Variants in TBC1D1 observed in about 807,000 individuals in gnomAD.
TBC1D1 encodes the protein TBC1 (tre-2/USP6, BUB2, cdc16) domain family, member 1.
TBC1D1 carries 89 observed loss-of-function variants against 125.6 expected under a neutral mutation model. The observed-to-expected ratio is 0.71, with a 90% CI of 0.60 to 0.85. TBC1D1 has a LOEUF of 0.85. Among genes scored for constraint, TBC1D1 ranks in the 40% least tolerant of loss-of-function variants. The pLI, the probability that TBC1D1 is intolerant of heterozygous loss-of-function variation, is 0.00. For synonymous variants in TBC1D1, 565 were observed against 564.1 expected, an observed-to-expected ratio of 1.00 and a Z score of -0.02; for missense variants, 1,377 against 1,469.2, an observed-to-expected ratio of 0.94 and a Z score of 1.03.
chr4:38,070,060 C>G (rs1754441681), intron 12 of TBC1D1, among the ~76,000 whole-genome samples: 1 of 152,070 alleles, frequency 6.6e-6, no homozygotes, highest in South Asian at 2.1e-4. Context: ...CCTCCAGCCA[C>G]CATAAGTTGG....
At chr4:38,048,245 A>G (rs1191009711) in intron 10 of TBC1D1, among the ~76,000 whole-genome samples, 1 of 152,216 alleles carries the variant, frequency 6.6e-6, no homozygotes, top group East Asian at 1.9e-4. Context: ...AAACTTGACA[A>G]ATGAAAATGG....
At chr4:37,961,141 C>A in intron 2 of TBC1D1, 1 of 1,267,536 alleles carries the variant, frequency 7.9e-7, no homozygotes. Flanking sequence ...GGGTCATATT[C>A]CTCTTTATGT....
intron 12 of TBC1D1, among the ~76,000 whole-genome samples, chr4:38,059,084 G>A (rs192844131): frequency 6.6e-6 from 1 of 152,324 alleles, no homozygotes; most frequent in African/African-American, 2.4e-5. Flanking sequence ...AAATAATTAA[G>A]TTGCAAGAAT....
intron 14 of TBC1D1, among the ~76,000 whole-genome samples, chr4:38,096,854 A>G (rs1263594774): frequency 6.6e-6 from 1 of 152,196 alleles, no homozygotes; most frequent in African/African-American, 2.4e-5. Context: ...GTATAAAAAT[A>G]TCAGCCTGTA....
chr4:38,044,284 T>C lies in TBC1D1; in HGVS notation c.1414-78T>C, dbSNP rs1748983017. ...GAATGATGGCCTGGTGCCAAAAAGA[T>C]GTGTCCTAGAGATTTTTCATTCCTT... On this transcript the variant is annotated intron_variant, in intron 8 of 19. Coordinates refer to ENST00000261439, the MANE Select transcript of TBC1D1 (RefSeq NM_015173.4). The C allele has an allele frequency of 2.0e-6, 3 of 1,470,610 alleles. No individual in the cohort carries two copies. In the Admixed American group the frequency reaches 7.1e-5, roughly 35 times the overall value. The allele number at this position is 1,470,610 out of a possible 1,614,324, so 91.1% of individuals were successfully genotyped here.
At chr4:38,114,680 C>A (rs549561705) in intron 15 of TBC1D1, among the ~76,000 whole-genome samples, 3 of 152,218 alleles carry the variant, frequency 2.0e-5, no homozygotes, top group African/African-American at 7.2e-5. Context: ...AGGAACTTGA[C>A]AAGTATCAGC....
intron 8 of TBC1D1, among the ~76,000 whole-genome samples, chr4:38,039,372 C>T (rs938760093): frequency 5.3e-5 from 8 of 151,996 alleles, no homozygotes; most frequent in African/African-American, 1.7e-4. Flanking sequence ...CCACCTCGGC[C>T]TTCCAAAGTG....
intron 12 of TBC1D1, among the ~76,000 whole-genome samples, chr4:38,066,383 C>G (rs1373670138): frequency 6.6e-6 from 1 of 151,236 alleles, no homozygotes; most frequent in Non-Finnish European, 1.5e-5. Context: ...GGCTGGAGTA[C>G]AGTAAGTAGC....
chr4:37,891,533 T>TCC (rs1713257466), intron 1 of TBC1D1, among the ~76,000 whole-genome samples, 185 bp downstream of exon 1: 2 of 18,282 alleles, frequency 1.1e-4, no homozygotes, highest in African/African-American at 1.9e-4. Flanking sequence ...GTTGCCCCCC[T>TCC]TACCCCCCCA....
At chr4:38,106,055 T>C (rs1284462256) in intron 15 of TBC1D1, among the ~76,000 whole-genome samples, 1 of 152,196 alleles carries the variant, frequency 6.6e-6, no homozygotes, top group Admixed American at 6.5e-5. Context: ...GCAGTGGCTC[T>C]TTATTGCCTT....
At chr4:38,124,542 CA>C (rs1358633897) in intron 17 of TBC1D1, among the ~76,000 whole-genome samples, 1 of 152,130 alleles carries the variant, frequency 6.6e-6, no homozygotes, top group African/African-American at 2.4e-5. Context: ...TTCCTTGTTT[CA>C]AAACAGAGGA....
intron 2 of TBC1D1, among the ~76,000 whole-genome samples, chr4:37,992,814 CTTTTTTT>C (rs1275857154): frequency 4.1e-5 from 3 of 73,754 alleles, no homozygotes; most frequent in African/African-American, 1.1e-4. Context: ...TTTTTTTTTT[CTTTTTTT>C]GGAGACAGAG....
At chr4:37,924,106 C>A (rs1280438707) in intron 2 of TBC1D1, among the ~76,000 whole-genome samples, 1 of 152,110 alleles carries the variant, frequency 6.6e-6, no homozygotes, top group African/African-American at 2.4e-5. Flanking sequence ...AGGTACCCTA[C>A]ACCTTGCTGG....
At chr4:38,128,228 T>G (rs1382975611) in intron 18 of TBC1D1, among the ~76,000 whole-genome samples, 1 of 151,952 alleles carries the variant, frequency 6.6e-6, no homozygotes, top group African/African-American at 2.4e-5. Context: ...TCAGTGGTCC[T>G]TATAGAAAGT....
chr4:37,970,093 A>G (rs1731750705), intron 2 of TBC1D1, among the ~76,000 whole-genome samples: 2 of 152,204 alleles, frequency 1.3e-5, no homozygotes, highest in African/African-American at 4.8e-5. Context: ...ATTACTTTTT[A>G]TAGCCAAATA....
rs763498761 is a variant in TBC1D1 at position 38,018,458 on chromosome 4, GT to G, written c.972+22del. 23 of 1,493,016 alleles carry G rather than the reference GT, an allele frequency of 1.5e-5. No individual in the cohort carries two copies. Among genetic ancestry groups the G allele is most frequent in the Admixed American group, 1.0e-4 (5 of 50,028 alleles). 92.5% of individuals were successfully genotyped at this position (1,493,016 alleles called of 1,614,324 possible). A position where few individuals can be genotyped will look rare whatever the true frequency, so the allele number is the denominator to read the frequency against. ...TTTGCTCTCAGGTAAATGGAGATGG[GT>G]TTTTTTATTCAATTGCAATGGAATT... On this transcript the variant is annotated intron_variant, in intron 4 of 19. Transcript: ENST00000261439.
intron 12 of TBC1D1, among the ~76,000 whole-genome samples, chr4:38,075,779 C>T (rs965923904): frequency 6.6e-6 from 1 of 152,112 alleles, no homozygotes; most frequent in Admixed American, 6.5e-5. Context: ...TTGTCATCGG[C>T]CAGGTCACAG....
At chr4:38,091,162 TAA>T (rs1758358443) in intron 13 of TBC1D1, among the ~76,000 whole-genome samples, 3 of 152,246 alleles carry the variant, frequency 2.0e-5, no homozygotes, top group Non-Finnish European at 4.4e-5. Flanking sequence ...TCATAGAATG[TAA>T]AGAGATAGTG....
At chr4:37,988,217 C>T (rs998560521) in intron 2 of TBC1D1, among the ~76,000 whole-genome samples, 1 of 152,212 alleles carries the variant, frequency 6.6e-6, no homozygotes, top group Non-Finnish European at 1.5e-5. Flanking sequence ...GTTACACTTG[C>T]CTGGGCCTCA....
Sources: gnomAD v4.1 joint callset for allele counts (sites outside exome capture counted in the v4.1 genomes callset) on GRCh38, gnomAD v4.1.1 for gene constraint, MANE v1.5 for transcripts, NCBI Gene and HGNC (gene_info 2026-07-23, HGNC 2026-07-21) for gene names.